CRYL1: variants seen among roughly 807,000 people sequenced by gnomAD.
The protein encoded by CRYL1 is lambda-crystallin homolog.
A neutral mutation model predicts 36.6 loss-of-function variants in CRYL1; 29 were observed. That is an observed-to-expected ratio of 0.79 (90% CI 0.59 to 1.08). The LOEUF (loss-of-function observed/expected upper bound fraction) is 1.08, where lower values mean the gene tolerates loss of function less well. Ranked by LOEUF, CRYL1 falls within the 50% of genes least tolerant of loss-of-function variation. The pLI is 0.00. For synonymous variants in CRYL1, 152 were observed against 151.5 expected (o/e 1.00, Z -0.02); for missense variants, 411 against 407.9 (o/e 1.01, Z -0.06).
chr13:20,517,412 C>G (rs538624196), intron 1 of CRYL1, among the ~76,000 whole-genome samples: 1 of 151,536 alleles, frequency 6.6e-6, no homozygotes, highest in Admixed American at 6.6e-5. Flanking sequence ...CTGGCCAAAA[C>G]GGTGAAACTC....
intron 3 of CRYL1, among the ~76,000 whole-genome samples, chr13:20,462,384 A>G (rs1461545464): frequency 6.6e-6 from 1 of 151,066 alleles, no homozygotes; most frequent in African/African-American, 2.4e-5. Flanking sequence ...AAACTATGAC[A>G]GGTTTGAGCG....
rs1388339746 is a variant in CRYL1 at position 20,415,123 on chromosome 13, C to T, written c.634-1736G>A. ...TTCCCTACCCCGGGGCACCTCCCCT[C>T]GCCCGCACCCGGCCCCAGTCCCTCC... On this transcript the variant is annotated intron_variant, in intron 5 of 7. Coordinates refer to ENST00000298248, the MANE Select transcript of CRYL1 (RefSeq NM_015974.3). The surrounding 1 kb of genome is among the most constrained non-coding windows in gnomAD (Gnocchi z 4.1). Among the ~76,000 whole-genome samples the T allele has an allele frequency of 6.6e-6, 1 of 152,176 alleles. No individual in the cohort carries two copies. Among genetic ancestry groups the T allele is most frequent in the Non-Finnish European group, 1.5e-5 (1 of 68,012 alleles).
chr13:20,493,822 G>A (rs1427940233), intron 2 of CRYL1, among the ~76,000 whole-genome samples: 1 of 152,158 alleles, frequency 6.6e-6, no homozygotes, highest in Non-Finnish European at 1.5e-5. Flanking sequence ...AAAGGACACA[G>A]CCACCCTATA....
intron 2 of CRYL1, among the ~76,000 whole-genome samples, chr13:20,496,765 A>T (rs2033610932): frequency 6.8e-6 from 1 of 146,874 alleles, no homozygotes; most frequent in African/African-American, 2.5e-5. Flanking sequence ...GGATCACTTG[A>T]GCCCCCGAGG....
At chr13:20,504,371 T>G (rs1383652715) in intron 2 of CRYL1, among the ~76,000 whole-genome samples, 3 of 150,480 alleles carry the variant, frequency 2.0e-5, no homozygotes, top group Non-Finnish European at 4.4e-5. Flanking sequence ...TGGTGCAATC[T>G]TGGCTCACTG....
At chr13:20,483,034 C>T (rs1313966203) in intron 3 of CRYL1, among the ~76,000 whole-genome samples, 1 of 151,986 alleles carries the variant, frequency 6.6e-6, no homozygotes, top group South Asian at 2.1e-4. Context: ...CACCCGCAGC[C>T]GGCAGTTACC....
chr13:20,508,494 A>G (rs2033843822), intron 2 of CRYL1, among the ~76,000 whole-genome samples: 1 of 152,102 alleles, frequency 6.6e-6, no homozygotes, highest in African/African-American at 2.4e-5. Flanking sequence ...TGCTCCCTAA[A>G]TCACCTCCAT....
chr13:20,490,938 C>T (rs2033499233), intron 2 of CRYL1, among the ~76,000 whole-genome samples: 1 of 152,076 alleles, frequency 6.6e-6, no homozygotes, highest in Non-Finnish European at 1.5e-5. Context: ...CAGGATCCTG[C>T]TCTGTCGCCC....
chr13:20,462,722 T>C (rs1008019819), intron 3 of CRYL1, among the ~76,000 whole-genome samples: 8 of 151,670 alleles, frequency 5.3e-5, no homozygotes, highest in African/African-American at 1.7e-4. Flanking sequence ...GAGGGGCTGC[T>C]GAGTTTGTTG....
At chr13:20,521,689 T>C (rs1449292028) in intron 1 of CRYL1, among the ~76,000 whole-genome samples, 1 of 152,236 alleles carries the variant, frequency 6.6e-6, no homozygotes, top group Non-Finnish European at 1.5e-5. Context: ...ACATTTATTC[T>C]GTTACACAGT....
intron 1 of CRYL1, among the ~76,000 whole-genome samples, chr13:20,518,520 C>T (rs1253065445): frequency 1.3e-5 from 2 of 152,064 alleles, no homozygotes; most frequent in South Asian, 2.1e-4. Flanking sequence ...AAGGAGAGAA[C>T]GGTGAGCTCA....
chr13:20,506,290 A>T (rs942898711), intron 2 of CRYL1, among the ~76,000 whole-genome samples: 11 of 152,196 alleles, frequency 7.2e-5, no homozygotes, highest in African/African-American at 2.4e-4. Flanking sequence ...TATAAAAATA[A>T]AGTACCTGCT....
intron 3 of CRYL1, among the ~76,000 whole-genome samples, chr13:20,478,870 A>C (rs561147929): frequency 7.5e-4 from 113 of 151,342 alleles, no homozygotes; most frequent in African/African-American, 2.6e-3. Context: ...CCCCTGCCTC[A>C]GCCTCCCAGG....
chr13:20,484,894 G>GTGTTATGTAA (rs2033364129), intron 3 of CRYL1, among the ~76,000 whole-genome samples: 1 of 152,136 alleles, frequency 6.6e-6, no homozygotes, highest in Admixed American at 6.5e-5. Flanking sequence ...ACATTACATT[G>GTGTTATGTAA]TGTTAGAAAC....
At chr13:20,496,667 T>C (rs1372822193) in intron 2 of CRYL1, among the ~76,000 whole-genome samples, 1 of 86,412 alleles carries the variant, frequency 1.2e-5, no homozygotes. Context: ...TCCCAACACT[T>C]TGGGAGGCCG....
At position 20,481,835 on chromosome 13, in the gene CRYL1, C is replaced by T. The variant is rs1042537553; in HGVS notation, c.276+7535G>A. 4.6e-5 allele frequency among the ~76,000 whole-genome samples: 7 copies of T among 152,018 alleles called. No individual in the cohort carries two copies. The highest frequency in any genetic ancestry group is 2.1e-4 in the South Asian group (1 of 4,818). The stretch of plus-strand genomic sequence containing the variant: ...CTGAGGTAGGAGAATTGCTTTAACC[C>T]GGGAAGCAGAGGTTGCAGTGAATCA... On this transcript the variant is annotated intron_variant, in intron 3 of 7. Coordinates refer to ENST00000298248, the MANE Select transcript of CRYL1 (RefSeq NM_015974.3). The surrounding 1 kb of genome is among the most constrained non-coding windows in gnomAD (Gnocchi z 4.1).
At chr13:20,408,998 A>C (rs1020535330) in intron 6 of CRYL1, among the ~76,000 whole-genome samples, 5 of 152,228 alleles carry the variant, frequency 3.3e-5, no homozygotes, top group African/African-American at 4.8e-5. Context: ...GGAAAAAACT[A>C]CTTTAAAGTT....
At chr13:20,446,430 T>G (rs889681458) in intron 3 of CRYL1, among the ~76,000 whole-genome samples, 1 of 152,228 alleles carries the variant, frequency 6.6e-6, no homozygotes, top group Non-Finnish European at 1.5e-5. Context: ...TATAGTGGAC[T>G]AGTTTGAATG....
intron 3 of CRYL1, among the ~76,000 whole-genome samples, chr13:20,467,033 T>C (rs1047817215): frequency 2.6e-5 from 4 of 151,804 alleles, no homozygotes; most frequent in East Asian, 1.9e-4. Flanking sequence ...CTGGAAGCTC[T>C]GCCTCCCGCG....
Sources: gnomAD v4.1 joint callset for allele counts (sites outside exome capture counted in the v4.1 genomes callset) on GRCh38, gnomAD v4.1.1 for gene constraint, Gnocchi (gnomAD v3.1) non-coding constraint, MANE v1.5 for transcripts, NCBI Gene and HGNC (gene_info 2026-07-23, HGNC 2026-07-21) for gene names.